The following IGSF22 variants were observed in gnomAD, a reference collection of about 807,000 sequenced individuals.
IGSF22 encodes immunoglobulin superfamily, member 22.
IGSF22 carries 119 observed loss-of-function variants against 127.0 expected under a neutral mutation model. The ratio of observed to expected loss-of-function variants is 0.94; its 90% confidence interval spans 0.81 to 1.09. The LOEUF (loss-of-function observed/expected upper bound fraction) is 1.09, where lower values mean the gene tolerates loss of function less well. IGSF22 is among the 50% of genes least tolerant of loss of function. The pLI is 0.00. For synonymous variants in IGSF22, 568 were observed against 664.7 expected, an observed-to-expected ratio of 0.85 and a Z score of 2.24; for missense variants, 1,518 against 1,716.6, an observed-to-expected ratio of 0.88 and a Z score of 2.04.
rs372769534 is a variant in IGSF22 at position 18,725,719 on chromosome 11, C to T, written c.-34+355G>A. The stretch of plus-strand genomic sequence containing the variant: ...CCTCCCAAAGTGCTAGGATTACAGG[C>T]GTGAGCCACCGCGCCTGGCCCAGCA... On this transcript the variant is annotated intron_variant, in intron 1 of 22. Coordinates refer to ENST00000513874, the MANE Select transcript of IGSF22 (RefSeq NM_173588.4). Among the ~76,000 whole-genome samples, 28 of 152,166 alleles carry T rather than the reference C, an allele frequency of 1.8e-4. No individual in the cohort carries two copies. The East Asian group carries it at 4.6e-3, about 25-fold the overall frequency.
At chr11:18,706,620 C>G in intron 21 of IGSF22, 1 of 391,378 alleles carries the variant, frequency 2.6e-6, no homozygotes, top group African/African-American at 2.0e-5. Flanking sequence ...CTGTTCTCAG[C>G]CCCGTTAGAC....
At chr11:18,723,251 T>A (rs1381736516) in intron 2 of IGSF22, among the ~76,000 whole-genome samples, 9 of 152,252 alleles carry the variant, frequency 5.9e-5, no homozygotes, top group Non-Finnish European at 1.0e-4. Context: ...TACTGCCATA[T>A]TTTTGCCCTC....
chr11:18,707,287 AAGT>A (rs1848259082), intron 20 of IGSF22, 74 bp from the exon 21 acceptor site: 2 of 1,322,176 alleles, frequency 1.5e-6, no homozygotes, highest in African/African-American at 3.0e-5. Flanking sequence ...GCCATCTGCC[AAGT>A]CCGATGGAAG....
chr11:18,722,886 C>G (rs372562332), intron 2 of IGSF22, among the ~76,000 whole-genome samples: 7 of 152,220 alleles, frequency 4.6e-5, no homozygotes, highest in African/African-American at 1.7e-4. Flanking sequence ...AGGTCTCAAA[C>G]AGGCAGAGTG....
In IGSF22 at chr11:18,720,230, T is replaced by G. The variant is rs1848545840; in HGVS notation, c.434A>C (p.Asp145Ala). The change falls in exon 5 of 23, where the codon GAC becomes GCC. Residue 145 changes from aspartate (D) to alanine (A), a missense_variant. Physicochemically the swap from Asp to Ala is moderately radical, Grantham distance 126. Around this residue, in one of 3 missense-constraint regions of IGSF22, gnomAD observed 1,456 missense variants for 1,644.9 expected, o/e 0.89. Transcript: ENST00000513874. ...TACGGTATAGATGGCATCTGCATGG[T>G]CATTGCTTGCAATGCACTTATAGTT... ...SDNYKCIASN[D>A]HADAIYTVSL... The G allele has an allele frequency of 6.2e-7, 1 of 1,614,092 alleles. No homozygotes were observed. The highest frequency in any genetic ancestry group is 1.3e-5 in the African/African-American group (1 of 74,936).
chr11:18,721,139 C>T (rs1474106937), intron 4 of IGSF22, among the ~76,000 whole-genome samples: 1 of 152,198 alleles, frequency 6.6e-6, no homozygotes, highest in East Asian at 1.9e-4. Context: ...CTCACCCCTA[C>T]TCTACGGCGA....
At chr11:18,705,494 C>A (rs375165738) in intron 22 of IGSF22, 66 of 355,108 alleles carry the variant, frequency 1.9e-4, no homozygotes, top group African/African-American at 1.3e-3. Flanking sequence ...AGAACCGTGC[C>A]AGAGAGATCG....
chr11:18,714,203 G>A, intron 13 of IGSF22, 55 bp from the exon 14 acceptor site: 3 of 1,594,914 alleles, frequency 1.9e-6, no homozygotes, highest in Non-Finnish European at 2.6e-6. Flanking sequence ...GAGCCCATGG[G>A]GCGGGGGAGA....
At chr11:18,722,584 C>T (rs1277086157) in intron 2 of IGSF22, among the ~76,000 whole-genome samples, 2 of 151,368 alleles carry the variant, frequency 1.3e-5, no homozygotes, top group Non-Finnish European at 2.9e-5. Flanking sequence ...TCTGAAAGCA[C>T]ATCTTCAATG....
chr11:18,720,103 C>A lies in IGSF22; in HGVS notation c.479G>T (p.Gly160Val). ...CTTTTTGAAGTCCATTTTCTCTTGA[C>A]CTGAGGATAGACAGAGGGACAGGTT... ...IYTVSLLVTE[G>V]QEKMDFKKML... is the part of the protein sequence containing the mutation. Residue 160 changes from glycine to valine, a missense_variant and splice_region_variant, in exon 6 of 23, where the codon GGT becomes GTT. Transcript: ENST00000513874. 1.2e-6 allele frequency: 2 copies of A among 1,614,174 alleles called. No individual in the cohort carries two copies. Among genetic ancestry groups the A allele is most frequent in the Non-Finnish European group, 1.7e-6 (2 of 1,180,024 alleles).
chr11:18,718,184 G>A (rs2134166347), intron 8 of IGSF22, 91 bp from the exon 9 acceptor site: 1 of 1,236,056 alleles, frequency 8.1e-7, no homozygotes, highest in Non-Finnish European at 1.2e-6. Context: ...CTAAGCTGGA[G>A]GGTGCATGTC....
rs759806664 is a variant in IGSF22, at chr11:18,716,771, A to G, written c.1203T>C (p.Ala401=). Residue 401 remains alanine (A), a synonymous_variant, in exon 10 of 23, where the codon GCT becomes GCC. Transcript: ENST00000513874. This position sits in a 1 kb window ranked among gnomAD's most constrained non-coding sequence, Gnocchi z 4.5. ...CCTTTTGTACCAGGTTCCCCGCCTC[A>G]GCAGAGAACTCGCCGCTGTCACTGA... ...ARLSDSGEFS[A]EAGNLVQKAQ... 1.9e-6 allele frequency: 3 copies of G among 1,614,212 alleles called. No individual in the cohort carries two copies. The highest frequency in any genetic ancestry group is 1.1e-5 in the South Asian group (1 of 91,082).
In IGSF22 at chr11:18,712,209, T is replaced by C; in HGVS notation, c.2271A>G (p.Lys757=). The C allele has an allele frequency of 6.4e-7, 1 of 1,551,616 alleles. No homozygotes were observed. Among genetic ancestry groups the C allele is most frequent in the South Asian group, 1.2e-5 (1 of 84,060 alleles). The change falls in exon 15 of 23, where the codon AAA becomes AAG. Residue 757 remains lysine, a synonymous_variant. Transcript: ENST00000513874. The part of the protein sequence containing the change: ...SWIKIGEVDG[K]VTNFSTNKVE... ...CCTTGTTGGTGGAGAAGTTGGTGACTTTGCCGTCCACCTCGCCTATCTTAA... is the reference window on the plus strand; with the variant it reads ...CCTTGTTGGTGGAGAAGTTGGTGACCTTGCCGTCCACCTCGCCTATCTTAA...
In IGSF22 at chr11:18,709,348, A is replaced by G. The variant is rs11024768; in HGVS notation, c.2998+39T>C. 0.7 allele frequency: 1,112,919 copies of G among 1,591,346 alleles called. 393,760 individuals carry two copies. Among genetic ancestry groups the G allele is most frequent in the East Asian group, 0.77 (34,600 of 44,680 alleles). On this transcript the variant is annotated intron_variant, in intron 18 of 22. Transcript: ENST00000513874. The surrounding 1 kb of genome is among the most constrained non-coding windows in gnomAD (Gnocchi z 4.8). The stretch of plus-strand genomic sequence containing the variant: ...CCAGAGGAGAAGGTTTGGAGGTACA[A>G]TGTTGGGCATGAATCCCCAGCCCTC...
intron 14 of IGSF22, 149 bp from the exon 15 acceptor site, chr11:18,712,533 C>T (rs1848377254): frequency 2.9e-6 from 2 of 700,160 alleles, no homozygotes; most frequent in Non-Finnish European, 2.3e-6. Context: ...CACCATCCCT[C>T]CTTCTAAGAC....
chr11:18,708,639 C>T (rs1030467742), intron 18 of IGSF22, among the ~76,000 whole-genome samples: 2 of 152,238 alleles, frequency 1.3e-5, no homozygotes, highest in Admixed American at 6.5e-5. Context: ...ACCCTCCAAA[C>T]TGCCCTTAAT....
chr11:18,713,896 T>A lies in IGSF22; in HGVS notation c.2051A>T (p.Asn684Ile). The A allele has an allele frequency of 6.2e-7, 1 of 1,614,236 alleles. No homozygotes were observed. The highest frequency in any genetic ancestry group is 1.7e-5 in the Admixed American group (1 of 60,032). The change falls in exon 14 of 23, where the codon AAT becomes ATT. Residue 684 changes from asparagine to isoleucine, a missense_variant. Asn to Ile is a moderately radical substitution (Grantham distance 149, BLOSUM62 -3). Transcript: ENST00000513874. ...DSGLILLKLKNDHGSATATLH... is the reference protein window; with the variant it reads ...DSGLILLKLKIDHGSATATLH... ...AGTGGCCGTGGCTGAGCCGTGGTCA[T>A]TCTTGAGCTTGAGCAGGATGAGGCC...
Position 18,716,788 on chromosome 11 carries a change from T to C in IGSF22, c.1186A>G (p.Ser396Gly), listed in dbSNP as rs747021759. The C allele has an allele frequency of 3.1e-6, 5 of 1,614,214 alleles. No homozygotes were observed. The highest frequency in any genetic ancestry group is 4.2e-6 in the Non-Finnish European group (5 of 1,180,040). The change falls in exon 10 of 23, where the codon AGC (serine) becomes GGC (glycine). Residue 396 changes from serine (S) to glycine (G), a missense_variant. Coordinates refer to ENST00000513874, the MANE Select transcript of IGSF22 (RefSeq NM_173588.4). The surrounding 1 kb of genome is among the most constrained non-coding windows in gnomAD (Gnocchi z 4.5). The part of the protein sequence containing the change: ...LKIKDARLSD[S>G]GEFSAEAGNL... ...CCCGCCTCAGCAGAGAACTCGCCGC[T>C]GTCACTGAGTCTGGCATCCTTAATC... is the stretch of plus-strand genomic sequence containing the variant.
chr11:18,705,743 T>A, intron 22 of IGSF22, 74 bp downstream of exon 22: 1 of 1,343,108 alleles, frequency 7.4e-7, no homozygotes, highest in Non-Finnish European at 1.0e-6. Flanking sequence ...AGCCAAATAG[T>A]TGACCAATGG....
Sources: gnomAD v4.1 joint callset for allele counts (sites outside exome capture counted in the v4.1 genomes callset) on GRCh38, gnomAD v4.1.1 for gene constraint, gnomAD v4.1.1 regional missense constraint, Gnocchi (gnomAD v3.1) non-coding constraint, MANE v1.5 for transcripts, NCBI Gene and HGNC (gene_info 2026-07-23, HGNC 2026-07-21) for gene names.